Variants in PRRX1 observed in about 807,000 individuals in gnomAD.
The protein encoded by PRRX1 is paired related homeobox 1.
Under a neutral mutation model 24.0 loss-of-function variants are expected in PRRX1, and 8 were observed. The ratio of observed to expected loss-of-function variants is 0.33; its 90% CI spans 0.20 to 0.60. PRRX1 has a LOEUF of 0.60. Among genes scored for constraint, PRRX1 ranks in the 20% least tolerant of loss-of-function variants. The pLI is 0.82. For missense variants in PRRX1, 281 were observed against 322.4 expected (o/e 0.87, Z 0.98); for synonymous variants, 160 against 131.7 (o/e 1.22, Z -1.47).
chr1:170,677,395 G>C (rs1184539867), intron 1 of PRRX1, among the ~76,000 whole-genome samples: 2 of 152,210 alleles, frequency 1.3e-5, no homozygotes, highest in Non-Finnish European at 2.9e-5. Context: ...GCCCTTTAGG[G>C]CAAGCATTTA....
intron 1 of PRRX1, among the ~76,000 whole-genome samples, chr1:170,705,459 T>A (rs561995032): frequency 2.5e-4 from 38 of 152,082 alleles, no homozygotes; most frequent in Non-Finnish European, 5.3e-4. Flanking sequence ...ATTTTTGTTA[T>A]TTTTGTAGAG....
chr1:170,728,773 A>C (rs1195191538), intron 3 of PRRX1: 1 of 152,228 alleles, frequency 6.6e-6, no homozygotes, highest in Non-Finnish European at 1.5e-5. Context: ...GCAAAAAGCT[A>C]TTCTGTTATT....
upstream of PRRX1, chr1:170,663,202 T>C (rs913814289): frequency 7.9e-5 from 12 of 152,026 alleles, no homozygotes; most frequent in Admixed American, 2.0e-4. Context: ...AAGAAGGAGA[T>C]TGTGATGGAG....
chr1:170,682,155 G>T (rs571843487), intron 1 of PRRX1, among the ~76,000 whole-genome samples: 1 of 152,198 alleles, frequency 6.6e-6, no homozygotes, highest in Admixed American at 6.5e-5. Context: ...GGAAGAAAGG[G>T]ATGGCCCTTC....
intron 2 of PRRX1, among the ~76,000 whole-genome samples, chr1:170,721,469 G>C (rs1472875437): frequency 6.6e-6 from 1 of 152,184 alleles, no homozygotes; most frequent in Non-Finnish European, 1.5e-5. Context: ...CCACTGTGGA[G>C]TTGATGCAGA....
chr1:170,697,412 T>C (rs1482005746), intron 1 of PRRX1, among the ~76,000 whole-genome samples: 2 of 152,126 alleles, frequency 1.3e-5, no homozygotes, highest in South Asian at 2.1e-4. Flanking sequence ...CTTGCCTGTA[T>C]TTTCTATTTT....
At chr1:170,713,984 G>T (rs1654827396) in intron 1 of PRRX1, among the ~76,000 whole-genome samples, 1 of 152,212 alleles carries the variant, frequency 6.6e-6, no homozygotes, top group Non-Finnish European at 1.5e-5. Context: ...GACCGCTGAA[G>T]GGCTATGCTG....
chr1:170,673,634 A>G (rs1462293839), intron 1 of PRRX1, among the ~76,000 whole-genome samples: 1 of 152,232 alleles, frequency 6.6e-6, no homozygotes, highest in Non-Finnish European at 1.5e-5. Flanking sequence ...TTCCATTTGA[A>G]TATCACAAAC....
intron 1 of PRRX1, among the ~76,000 whole-genome samples, chr1:170,692,701 G>A (rs1398785024): frequency 5.7e-5 from 8 of 140,338 alleles, no homozygotes; most frequent in Non-Finnish European, 9.2e-5. Context: ...ACCCCTTAAC[G>A]AACTAACAAA....
chr1:170,667,973 C>A (rs1376007391), intron 1 of PRRX1: 1 of 151,658 alleles, frequency 6.6e-6, no homozygotes, highest in African/African-American at 2.4e-5. Context: ...CCCAGACCCT[C>A]CCCACCCCAC....
At chr1:170,677,855 G>A (rs924215674) in intron 1 of PRRX1, among the ~76,000 whole-genome samples, 15 of 152,204 alleles carry the variant, frequency 9.9e-5, no homozygotes, top group African/African-American at 3.6e-4. Flanking sequence ...AGATGTTACA[G>A]TGATTGAAGA....
intron 1 of PRRX1, among the ~76,000 whole-genome samples, chr1:170,702,374 G>A (rs1205220545): frequency 6.6e-6 from 1 of 152,028 alleles, no homozygotes; most frequent in Non-Finnish European, 1.5e-5. Context: ...ACCTCTCCCT[G>A]TCCTCCCCTC....
chr1:170,713,937 G>C lies in PRRX1; in HGVS notation c.242-5789G>C, dbSNP rs116609052. Among the ~76,000 whole-genome samples the C allele has an allele frequency of 5.3e-3, 808 of 152,252 alleles. 11 individuals are homozygous for C. Among genetic ancestry groups the C allele is most frequent in the African/African-American group, 0.018 (729 of 41,546 alleles). On this transcript the variant is annotated intron_variant, in intron 1 of 3. Coordinates refer to ENST00000239461, the MANE Select transcript of PRRX1 (RefSeq NM_022716.4). ...TGGGTATTTGTATTGGCAGAGATTTGTTCGCTCTTGATACGTGCTGGGAGT... is the reference window on the plus strand; with the variant it reads ...TGGGTATTTGTATTGGCAGAGATTTCTTCGCTCTTGATACGTGCTGGGAGT...
At chr1:170,711,544 C>T (rs74123164) in intron 1 of PRRX1, among the ~76,000 whole-genome samples, 2 of 152,024 alleles carry the variant, frequency 1.3e-5, no homozygotes, top group East Asian at 1.9e-4. Context: ...TTTTTAGAAC[C>T]TGTGCTTACC....
chr1:170,664,182 G>C lies in PRRX1; in HGVS notation c.-37G>C, dbSNP rs774979793. On this transcript the variant is annotated 5_prime_UTR_variant, in exon 1 of 4. Transcript: ENST00000239461. ...CACAGCGTTTGGTGTTGATTCGAGC[G>C]GGAAGAGGGGGGTGGGTGGGATCGG... 2 of 1,591,264 alleles carry C rather than the reference G, an allele frequency of 1.3e-6. No homozygotes were observed. The highest frequency in any genetic ancestry group is 2.3e-5 in the South Asian group (2 of 86,628).
intron 1 of PRRX1, among the ~76,000 whole-genome samples, chr1:170,689,839 C>CTCTCTCTCTCTCTCTCTCTCTCT (rs1558049688): frequency 2.2e-5 from 2 of 91,644 alleles, no homozygotes; most frequent in African/African-American, 8.1e-5. Flanking sequence ...TCTCTCTCTC[C>CTCTCTCTCTCTCTCTCTCTCTCT]CTCTCTCTCT....
intron 1 of PRRX1, among the ~76,000 whole-genome samples, chr1:170,669,932 C>T (rs910807130): frequency 6.6e-6 from 1 of 152,156 alleles, no homozygotes; most frequent in African/African-American, 2.4e-5. Flanking sequence ...GCTTATTTTT[C>T]TACAGGTGAT....
intron 2 of PRRX1, among the ~76,000 whole-genome samples, chr1:170,724,146 T>C (rs1655176542): frequency 6.6e-6 from 1 of 152,226 alleles, no homozygotes; most frequent in African/African-American, 2.4e-5. Context: ...TTTGTTTTTT[T>C]CTTATAAATT....
chr1:170,667,212 C>T (rs779422967), intron 1 of PRRX1, among the ~76,000 whole-genome samples: 1 of 151,914 alleles, frequency 6.6e-6, no homozygotes, highest in Non-Finnish European at 1.5e-5. Flanking sequence ...AGACAGCTTC[C>T]GGAGGAGGCC....
Sources: gnomAD v4.1 joint callset for allele counts (sites outside exome capture counted in the v4.1 genomes callset) on GRCh38, gnomAD v4.1.1 for gene constraint, MANE v1.5 for transcripts, NCBI Gene and HGNC (gene_info 2026-07-23, HGNC 2026-07-21) for gene names.